ENPP7: variants seen among roughly 807,000 people sequenced by gnomAD.
ENPP7 encodes ectonucleotide pyrophosphatase/phosphodiesterase 7.
ENPP7 carries 39 observed loss-of-function variants against 33.6 expected under a neutral mutation model. That is an observed-to-expected ratio of 1.16 (90% CI 0.90 to 1.52). ENPP7 has a LOEUF of 1.52. Ranked by LOEUF, ENPP7 falls within the 40% of genes most tolerant of loss-of-function variation. ENPP7 has a pLI of 0.00. For synonymous variants in ENPP7, 244 were observed against 274.3 expected (o/e 0.89, Z 1.09); for missense variants, 594 against 641.0 (o/e 0.93, Z 0.79).
At position 79,738,063 on chromosome 17, in the gene ENPP7, G is replaced by T. The variant is rs1555824008; in HGVS notation, c.*16+1G>T. On this transcript the variant is annotated splice_donor_variant, in intron 5 of 5. Transcript: ENST00000328313. LOFTEE classifies it low-confidence loss of function (3UTR_SPLICE). This position sits in a 1 kb window ranked among gnomAD's most constrained non-coding sequence, Gnocchi z 6.2. ...GTCGCATAACGCCCCATGGCTCAAG[G>T]TCAGAGACCCAGAAGGCAGAGGCGG... 6.2e-7 allele frequency: 1 copy of T among 1,606,902 alleles called. No homozygotes were observed. Among genetic ancestry groups the T allele is most frequent in the Admixed American group, 1.7e-5 (1 of 60,000 alleles).
rs371017317 is a variant in ENPP7 at position 79,737,024 on chromosome 17, T to C, written c.1027-17T>C. On this transcript the variant is annotated splice_polypyrimidine_tract_variant and intron_variant, in intron 3 of 5. Coordinates refer to ENST00000328313, the MANE Select transcript of ENPP7 (RefSeq NM_178543.5). This position sits in a 1 kb window ranked among gnomAD's most constrained non-coding sequence, Gnocchi z 5.5. ...GCTCCCAGCAAGGACCCAGGACCCT[T>C]GCCCGCTCCCCGGCAGAGAATTAAC... 1 of 1,613,044 alleles carries C rather than the reference T, an allele frequency of 6.2e-7. No homozygotes were observed. Among genetic ancestry groups the C allele is most frequent in the African/African-American group, 1.3e-5 (1 of 75,022 alleles).
intron 5 of ENPP7, among the ~76,000 whole-genome samples, chr17:79,740,678 G>C (rs1343020535): frequency 1.3e-5 from 2 of 152,160 alleles, no homozygotes; most frequent in Admixed American, 1.3e-4. Context: ...TTCTCACACG[G>C]CTTTTCCCCA....
At chr17:79,740,533 G>C (rs1230821422) in intron 5 of ENPP7, among the ~76,000 whole-genome samples, 1 of 152,182 alleles carries the variant, frequency 6.6e-6, no homozygotes, top group Non-Finnish European at 1.5e-5. Context: ...AAGTGATAAG[G>C]TTTCCATGGC....
intron 5 of ENPP7, among the ~76,000 whole-genome samples, chr17:79,740,997 C>CTTTTT (rs1284292037): frequency 4.0e-5 from 6 of 151,764 alleles, no homozygotes; most frequent in Non-Finnish European, 7.4e-5. Flanking sequence ...CTTTTCTTTT[C>CTTTTT]TTTTTTACAC....
intron 2 of ENPP7, among the ~76,000 whole-genome samples, chr17:79,734,044 G>A (rs1359555877): frequency 2.0e-5 from 3 of 152,098 alleles, no homozygotes; most frequent in Non-Finnish European, 2.9e-5. Context: ...ACAATTAGAC[G>A]ACTTTCTCCC....
rs782676722 is a variant in ENPP7 at position 79,731,281 on chromosome 17, G to T, written c.142G>T (p.Asp48Tyr). Reference protein sequence around the residue: ...FDGFRWNYDQDVDTPNLDAMA... With the variant: ...FDGFRWNYDQYVDTPNLDAMA... ...CGGCTTCCGCTGGAACTACGACCAG[G>T]ACGTGGACACCCCCAACCTGGACGC... The change falls in exon 1 of 6, where the codon GAC (aspartate) becomes TAC (tyrosine). Residue 48 changes from aspartate to tyrosine, a missense_variant. Asp to Tyr is a radical substitution (Grantham distance 160). Coordinates refer to ENST00000328313, the MANE Select transcript of ENPP7 (RefSeq NM_178543.5). The T allele has an allele frequency of 1.2e-6, 2 of 1,613,852 alleles. No homozygotes were observed. Among genetic ancestry groups the T allele is most frequent in the Non-Finnish European group, 1.7e-6 (2 of 1,179,996 alleles).
chr17:79,731,504 C>A, intron 1 of ENPP7, 112 bp downstream of exon 1: 1 of 1,326,844 alleles, frequency 7.5e-7, no homozygotes. Flanking sequence ...AGGCACAGGA[C>A]AGAGCCAAGG....
At chr17:79,740,016 A>AC (rs1238071032) in intron 5 of ENPP7, among the ~76,000 whole-genome samples, 3 of 151,520 alleles carry the variant, frequency 2.0e-5, no homozygotes, top group African/African-American at 7.3e-5. Flanking sequence ...ATATAGTTAG[A>AC]CCCCGTCTCT....
chr17:79,732,384 C>G (rs2094288220), intron 1 of ENPP7, among the ~76,000 whole-genome samples: 1 of 151,984 alleles, frequency 6.6e-6, no homozygotes, highest in Admixed American at 6.6e-5. Flanking sequence ...CCTCCCAAAC[C>G]TGCGTCATCC....
chr17:79,732,835 C>T (rs192782369), intron 1 of ENPP7, among the ~76,000 whole-genome samples: 125 of 152,358 alleles, frequency 8.2e-4, no homozygotes, highest in Non-Finnish European at 3.2e-4. Context: ...TGTGGTGGGA[C>T]ACCATCCACC....
chr17:79,734,680 G>A (rs568324502), intron 2 of ENPP7, among the ~76,000 whole-genome samples: 151 of 152,152 alleles, frequency 9.9e-4, no homozygotes, highest in South Asian at 6.2e-4. Context: ...GGGTTTCACC[G>A]TGCTAGCCAG....
rs1344479652 is a variant in ENPP7, at chr17:79,732,145, TATATAC to T, written c.253+755_253+760del. ...ACATATATATATGTATATATATATA[TATATAC>T]ACACACATATATATATATATGAGGC... On this transcript the variant is annotated intron_variant, in intron 1 of 5. Transcript: ENST00000328313. 1.9e-3 allele frequency among the ~76,000 whole-genome samples: 70 copies of T among 36,404 alleles called. 7 individuals are homozygous for T. Among genetic ancestry groups the T allele is most frequent in the Non-Finnish European group, 1.0e-3 (20 of 19,514 alleles). The allele number at this position is 36,404 out of a possible 152,430, so 23.9% of individuals were successfully genotyped here.
In ENPP7 at chr17:79,731,036, A is replaced by G. The variant is rs1423551914; in HGVS notation, c.-104A>G. 4 of 1,314,048 alleles carry G rather than the reference A, an allele frequency of 3.0e-6. No individual in the cohort carries two copies. Among genetic ancestry groups the G allele is most frequent in the African/African-American group, 1.5e-5 (1 of 67,656 alleles). The allele number at this position is 1,314,048 out of a possible 1,614,324, so 81.4% of individuals were successfully genotyped here. On this transcript the variant is annotated 5_prime_UTR_variant, in exon 1 of 6. Coordinates refer to ENST00000328313, the MANE Select transcript of ENPP7 (RefSeq NM_178543.5). ...GGGGATGTGCACAGCCACATTCCAA[A>G]GGCGCACGGGATGAGATCAGCCCGG...
chr17:79,738,133 C>T lies in ENPP7; in HGVS notation c.*16+71C>T. 3.3e-6 allele frequency: 5 copies of T among 1,506,222 alleles called. No homozygotes were observed. The highest frequency in any genetic ancestry group is 4.5e-6 in the Non-Finnish European group (5 of 1,104,626). The allele number at this position is 1,506,222 out of a possible 1,614,324, so 93.3% of individuals were successfully genotyped here. A position where few individuals can be genotyped will look rare whatever the true frequency, so the allele number is the denominator to read the frequency against. ...CTGACCCTCCACCCTGATGTCCCAG[C>T]TACAGTCCTAGGCAACCAGAACAGA... On this transcript the variant is annotated intron_variant, in intron 5 of 5. Coordinates refer to ENST00000328313, the MANE Select transcript of ENPP7 (RefSeq NM_178543.5). The surrounding 1 kb of genome is among the most constrained non-coding windows in gnomAD (Gnocchi z 6.2).
In ENPP7 at chr17:79,733,606, T is replaced by G; in HGVS notation, c.352T>G (p.Trp118Gly). 6.2e-7 allele frequency: 1 copy of G among 1,613,274 alleles called. No individual in the cohort carries two copies. The highest frequency in any genetic ancestry group is 8.5e-7 in the Non-Finnish European group (1 of 1,179,982). Residue 118 changes from tryptophan to glycine, a missense_variant, in exon 2 of 6, where the codon TGG (tryptophan) becomes GGG (glycine). Physicochemically the swap from Trp to Gly is radical, Grantham distance 184. This residue lies in a region of ENPP7 where 504 missense variants were observed against 512.8 expected (regional missense o/e 0.98). Coordinates refer to ENST00000328313, the MANE Select transcript of ENPP7 (RefSeq NM_178543.5). ...PYHATLGIQR[W>G]WDNGSVPIWI... ...CCACGCCACGCTGGGCATCCAGAGG[T>G]GGTGGGACAACGGCAGCGTGCCCAT...
Position 79,732,119 on chromosome 17 carries a change from T to TACATATATATATATATACATATATAC in ENPP7, c.253+739_253+740insATATACATATATACACATATATATAT, listed in dbSNP as rs1555822638. Reference sequence around the variant, plus strand: ...TATAATATATATATACATATATATATACATATATATATGTATATATATATA... The same window carrying TACATATATATATATATACATATATAC: ...TATAATATATATATACATATATATATACATATATATATATATACATATATACACATATATATATGTATATATATATA... On this transcript the variant is annotated intron_variant, in intron 1 of 5. Transcript: ENST00000328313. Among the ~76,000 whole-genome samples the TACATATATATATATATACATATATAC allele has an allele frequency of 6.6e-4, 33 of 49,800 alleles. 5 individuals carry two copies. The highest frequency in any genetic ancestry group is 8.8e-3 in the Middle Eastern group (1 of 114). The allele number at this position is 49,800 out of a possible 152,430, so 32.7% of individuals were successfully genotyped here. A position where few individuals can be genotyped will look rare whatever the true frequency, so the allele number is the denominator to read the frequency against.
Position 79,735,255 on chromosome 17 carries a change from G to A in ENPP7, c.612G>A (p.Arg204=). ...GGGAGCCGGACTCCACGGGCCACAG[G>A]TACGGCCCCGAGTCCCCGGAGAGGA... ...YFGEPDSTGH[R]YGPESPERRE... is the part of the protein sequence containing the mutation. Residue 204 remains arginine (R), a synonymous_variant, in exon 3 of 6, where the codon AGG becomes AGA. Transcript: ENST00000328313. The surrounding 1 kb of genome is among the most constrained non-coding windows in gnomAD (Gnocchi z 5.5). The A allele has an allele frequency of 1.9e-6, 3 of 1,613,512 alleles. No individual in the cohort carries two copies. Among genetic ancestry groups the A allele is most frequent in the South Asian group, 1.1e-5 (1 of 91,086 alleles).
At chr17:79,740,974 C>CTTCTG (rs1473810104) in intron 5 of ENPP7, among the ~76,000 whole-genome samples, 1 of 152,062 alleles carries the variant, frequency 6.6e-6, no homozygotes, top group East Asian at 1.9e-4. Context: ...CTGTGGCTAG[C>CTTCTG]TTCTTTTCTT....
At chr17:79,733,737 C>T (rs1022230444) in intron 2 of ENPP7, 84 bp downstream of exon 2, 126 of 1,391,760 alleles carry the variant, frequency 9.1e-5, no homozygotes, top group Admixed American at 3.1e-4. Flanking sequence ...GTGAGATCCA[C>T]GGCAGGTCCC....
Sources: allele counts gnomAD v4.1 joint callset (sites outside exome capture counted in the v4.1 genomes callset), GRCh38; gene constraint gnomAD v4.1.1; regional missense constraint gnomAD v4.1.1; non-coding constraint Gnocchi (gnomAD v3.1); transcripts MANE v1.5; gene names NCBI Gene and HGNC (gene_info 2026-07-23, HGNC 2026-07-21).